Variants in DIP2B observed in about 807,000 individuals in gnomAD.
The protein encoded by DIP2B is disco-interacting protein 2 homolog B.
In DIP2B, 76 loss-of-function variants were observed where a neutral mutation model predicts 198.0. That is an observed-to-expected ratio of 0.38 (90% confidence interval 0.32 to 0.46). The LOEUF is 0.46. Ranked by LOEUF, DIP2B falls within the 20% of genes least tolerant of loss-of-function variation. The pLI is 0.99. For missense variants in DIP2B, 1,559 were observed against 1,978.4 expected (o/e 0.79, Z 4.02); for synonymous variants, 701 against 739.1 (o/e 0.95, Z 0.84).
chr12:50,706,569 A>G lies in DIP2B; in HGVS notation c.2438A>G (p.Asp813Gly). Residue 813 changes from aspartate to glycine, a missense_variant, in exon 21 of 38, where the codon GAT becomes GGT. Physicochemically the swap from Asp to Gly is moderately conservative, Grantham distance 94. Transcript: ENST00000301180. ...TTGGTGTTCGTGGTTGGGAAAATGG[A>G]TGGCTTACTGATGGTTAGTGGTCGA... is the stretch of plus-strand genomic sequence containing the variant. ...GSLVFVVGKM[D>G]GLLMVSGRRH... The G allele has an allele frequency of 6.2e-7, 1 of 1,614,086 alleles. No individual in the cohort carries two copies. The highest frequency in any genetic ancestry group is 8.5e-7 in the Non-Finnish European group (1 of 1,179,972).
intron 1 of DIP2B, among the ~76,000 whole-genome samples, chr12:50,535,841 C>A: frequency 8.2e-6 from 1 of 122,336 alleles, no homozygotes. Flanking sequence ...AAAGCTATGC[C>A]TCCCCCCTCC....
chr12:50,555,873 T>C (rs567398507), intron 1 of DIP2B, among the ~76,000 whole-genome samples: 1 of 152,240 alleles, frequency 6.6e-6, no homozygotes, highest in African/African-American at 2.4e-5. Flanking sequence ...GCTTCACTGA[T>C]ATACGAAACA....
chr12:50,620,737 CA>C (rs1205098395), intron 1 of DIP2B, among the ~76,000 whole-genome samples: 6 of 152,166 alleles, frequency 3.9e-5, no homozygotes, highest in Admixed American at 6.5e-5. Context: ...TGCCAGATGG[CA>C]AAAAGTCTGT....
At chr12:50,626,431 A>G (rs1192785789) in intron 2 of DIP2B, among the ~76,000 whole-genome samples, 3 of 152,222 alleles carry the variant, frequency 2.0e-5, no homozygotes, top group African/African-American at 4.8e-5. Flanking sequence ...TCGAATGGCA[A>G]TACTTGAGGA....
intron 1 of DIP2B, among the ~76,000 whole-genome samples, chr12:50,602,857 CAAAA>C (rs71086464): frequency 1.1e-5 from 1 of 91,492 alleles, no homozygotes; most frequent in South Asian, 3.3e-4. Context: ...GACTCTGTCT[CAAAA>C]AAAAAAAAAA....
At chr12:50,614,147 T>C (rs1339483678) in intron 1 of DIP2B, among the ~76,000 whole-genome samples, 3 of 152,222 alleles carry the variant, frequency 2.0e-5, no homozygotes, top group Admixed American at 6.5e-5. Context: ...TAATCTGTTT[T>C]CTTCCTTCAC....
At chr12:50,585,268 A>G (rs1407742329) in intron 1 of DIP2B, among the ~76,000 whole-genome samples, 2 of 152,246 alleles carry the variant, frequency 1.3e-5, no homozygotes, top group Non-Finnish European at 2.9e-5. Flanking sequence ...GCACTGTTCC[A>G]GGCATTGGAA....
At position 50,747,343 on chromosome 12, in the gene DIP2B, G is replaced by A. The variant is rs1469052568; in HGVS notation, c.*2504G>A. The A allele has an allele frequency of 6.6e-6, 1 of 152,058 alleles. No homozygotes were observed. Among genetic ancestry groups the A allele is most frequent in the African/African-American group, 2.4e-5 (1 of 41,390 alleles). The allele number at this position is 152,058 out of a possible 1,614,324, so 9.4% of individuals were successfully genotyped here. A position where few individuals can be genotyped will look rare whatever the true frequency, so the allele number is the denominator to read the frequency against. On this transcript the variant is annotated 3_prime_UTR_variant, in exon 38 of 38. Transcript: ENST00000301180. ...ATTATCTAGTTTTGTAGTTCCTCAGGCCTCTAATTTATTTTTTGCTTTCTG... is the reference window on the plus strand; with the variant it reads ...ATTATCTAGTTTTGTAGTTCCTCAGACCTCTAATTTATTTTTTGCTTTCTG...
chr12:50,665,360 T>A (rs1938731652), intron 4 of DIP2B, among the ~76,000 whole-genome samples: 1 of 152,212 alleles, frequency 6.6e-6, no homozygotes, highest in African/African-American at 2.4e-5. Flanking sequence ...AGTCGCTAAG[T>A]AATTTGCCCC....
intron 34 of DIP2B, among the ~76,000 whole-genome samples, chr12:50,736,457 T>C (rs984663609): frequency 2.0e-5 from 3 of 152,218 alleles, no homozygotes. Flanking sequence ...GGCCCTTCTT[T>C]TGTTAGAATG....
intron 1 of DIP2B, among the ~76,000 whole-genome samples, chr12:50,515,530 A>T (rs1048500010): frequency 2.0e-5 from 3 of 152,110 alleles, no homozygotes; most frequent in African/African-American, 7.2e-5. Flanking sequence ...GCCCAGCCCT[A>T]CACTGTGGAC....
At chr12:50,637,619 A>G (rs1292189387) in intron 2 of DIP2B, among the ~76,000 whole-genome samples, 2 of 152,208 alleles carry the variant, frequency 1.3e-5, no homozygotes, top group African/African-American at 4.8e-5. Flanking sequence ...AGGTATACAT[A>G]TGGTGACCAC....
Position 50,518,863 on chromosome 12 carries a change from T to TC in DIP2B, c.100+13625dup, listed in dbSNP as rs1288750020. 6.6e-5 allele frequency among the ~76,000 whole-genome samples: 10 copies of TC among 152,192 alleles called. No homozygotes were observed. The East Asian group carries it at 1.7e-3, about 27-fold the overall frequency. On this transcript the variant is annotated intron_variant, in intron 1 of 37. Coordinates refer to ENST00000301180, the MANE Select transcript of DIP2B (RefSeq NM_173602.3). The stretch of plus-strand genomic sequence containing the variant: ...TCAAACTTCTGTACACAAGCAATCC[T>TC]CCAAGTAGCTGGGATTACAGGTCCA...
At chr12:50,648,296 T>A (rs993210442) in intron 3 of DIP2B, among the ~76,000 whole-genome samples, 3 of 152,360 alleles carry the variant, frequency 2.0e-5, no homozygotes, top group Non-Finnish European at 4.4e-5. Flanking sequence ...TTTGGAGATA[T>A]GTTTACTGGC....
chr12:50,532,975 T>G (rs530260151), intron 1 of DIP2B, among the ~76,000 whole-genome samples: 1 of 152,228 alleles, frequency 6.6e-6, no homozygotes, highest in South Asian at 2.1e-4. Context: ...TCTGATTCAT[T>G]TGACAGGAAA....
At chr12:50,667,847 T>A (rs773560120) in intron 4 of DIP2B, among the ~76,000 whole-genome samples, 66 of 152,234 alleles carry the variant, frequency 4.3e-4, no homozygotes, top group Non-Finnish European at 6.2e-4. Context: ...GGAATTAATG[T>A]TGATTGGCCA....
intron 12 of DIP2B, among the ~76,000 whole-genome samples, chr12:50,688,525 C>T (rs983115652): frequency 8.6e-5 from 13 of 151,860 alleles, no homozygotes; most frequent in Admixed American, 1.3e-4. Flanking sequence ...GTGGTATGCA[C>T]CTATAGTCCC....
chr12:50,676,169 T>A (rs774491776), intron 7 of DIP2B, among the ~76,000 whole-genome samples: 18 of 152,108 alleles, frequency 1.2e-4, no homozygotes, highest in Non-Finnish European at 2.1e-4. Flanking sequence ...AGTGTGAGTA[T>A]GGATAAAATG....
At chr12:50,551,370 C>T (rs1043860999) in intron 1 of DIP2B, among the ~76,000 whole-genome samples, 1 of 152,070 alleles carries the variant, frequency 6.6e-6, no homozygotes, top group African/African-American at 2.4e-5. Context: ...TTGCAGTGAG[C>T]CAAGATCAAG....
Sources: allele counts gnomAD v4.1 joint callset (sites outside exome capture counted in the v4.1 genomes callset), GRCh38; gene constraint gnomAD v4.1.1; transcripts MANE v1.5; gene names NCBI Gene and HGNC (gene_info 2026-07-23, HGNC 2026-07-21).